THOC2: variants seen among roughly 807,000 people sequenced by gnomAD.
THOC2 encodes the protein THO complex 2.
THOC2 carries 10 observed loss-of-function variants against 128.4 expected under a neutral mutation model. The ratio of observed to expected loss-of-function variants is 0.08; its 90% CI spans 0.05 to 0.13. The LOEUF (loss-of-function observed/expected upper bound fraction) is 0.13. THOC2 is among the 10% of genes least tolerant of loss of function. The pLI, the probability that THOC2 is intolerant of heterozygous loss-of-function variation, is 1.00. For synonymous variants in THOC2, 393 were observed against 396.9 expected (o/e 0.99, Z 0.12); for missense variants, 535 against 1,155.7 (o/e 0.46, Z 7.79).
chrX:123,732,004 T>C (rs896833554), intron 1 of THOC2, among the ~76,000 whole-genome samples: 1 of 110,693 alleles, frequency 9.0e-6, no homozygotes, highest in African/African-American at 3.3e-5. Flanking sequence ...TTATTAATAT[T>C]TGTTCTTATA....
intron 22 of THOC2, among the ~76,000 whole-genome samples, chrX:123,631,123 T>C (rs2047465084): frequency 8.9e-6 from 1 of 112,080 alleles, no homozygotes; most frequent in South Asian, 3.8e-4. Context: ...TGCTGATTAG[T>C]GTGTTCACTT....
intron 12 of THOC2, among the ~76,000 whole-genome samples, chrX:123,650,267 T>C (rs972030945): frequency 4.5e-5 from 5 of 111,917 alleles, no homozygotes; most frequent in African/African-American, 1.6e-4. Flanking sequence ...TGAGAGATTA[T>C]GTCACTACCA....
chrX:123,622,486 G>A (rs776424311), intron 30 of THOC2, among the ~76,000 whole-genome samples: 1 of 111,865 alleles, frequency 8.9e-6, no homozygotes, highest in African/African-American at 3.2e-5. Context: ...AAATTTCAAA[G>A]CCCAACATAA....
At chrX:123,660,033 T>C (rs1312887397) in intron 12 of THOC2, among the ~76,000 whole-genome samples, 1 of 112,203 alleles carries the variant, frequency 8.9e-6, no homozygotes, top group Non-Finnish European at 1.9e-5. Context: ...ACTGTAAGGA[T>C]TCACTTTTCC....
intron 38 of THOC2, among the ~76,000 whole-genome samples, chrX:123,605,613 A>T (rs763756334): frequency 9.4e-6 from 1 of 106,554 alleles, no homozygotes; most frequent in South Asian, 3.8e-4. Flanking sequence ...GTTTGGTGGC[A>T]AAAAAAGTCA....
At chrX:123,642,256 T>G (rs1050985102) in intron 15 of THOC2, among the ~76,000 whole-genome samples, 1 of 110,232 alleles carries the variant, frequency 9.1e-6, no homozygotes, top group African/African-American at 3.3e-5. Context: ...AAACCCCGTC[T>G]CTACTAAAAA....
chrX:123,719,173 G>A (rs1405409392), intron 1 of THOC2, among the ~76,000 whole-genome samples: 4 of 101,540 alleles, frequency 3.9e-5, no homozygotes, highest in East Asian at 3.0e-4. Context: ...GCAAGACTTC[G>A]TCTCCCAAAA....
rs1328121494 is a variant in THOC2 at position 123,706,869 on chromosome X, T to C, written c.211A>G (p.Ser71Gly). Residue 71 changes from serine (S) to glycine (G), a missense_variant, in exon 3 of 39, where the codon AGT becomes GGT. Ser to Gly is a moderately conservative substitution (Grantham distance 56). Around this residue, in one of 9 missense-constraint regions of THOC2, gnomAD observed 61 missense variants for 84.3 expected, o/e 0.72. Transcript: ENST00000245838. ...LKHEQASNVLSDISEFREDMP... is the reference protein window; with the variant it reads ...LKHEQASNVLGDISEFREDMP... Reference sequence around the variant, plus strand: ...ATATACATACTTACACTAATGTCACTAAGAACATTAGATGCCTGTTCATGC... The same window carrying C: ...ATATACATACTTACACTAATGTCACCAAGAACATTAGATGCCTGTTCATGC... 1.8e-6 allele frequency: 2 copies of C among 1,108,139 alleles called. No individual in the cohort carries two copies. Among genetic ancestry groups the C allele is most frequent in the Non-Finnish European group, 2.4e-6 (2 of 824,209 alleles). 91.3% of individuals were successfully genotyped at this position (1,108,139 alleles called of 1,213,427 possible).
chrX:123,657,334 C>A (rs924254311), intron 12 of THOC2, among the ~76,000 whole-genome samples: 1 of 110,644 alleles, frequency 9.0e-6, no homozygotes, highest in African/African-American at 3.3e-5. Context: ...GCAATGATGA[C>A]AGAATTTCCC....
intron 12 of THOC2, among the ~76,000 whole-genome samples, chrX:123,662,314 C>T (rs762910657): frequency 8.1e-5 from 9 of 110,866 alleles, no homozygotes; most frequent in Non-Finnish European, 1.3e-4. Context: ...TGGCCAGGCG[C>T]GGTGGCTCAT....
At chrX:123,714,418 A>G (rs1468756543) in intron 1 of THOC2, among the ~76,000 whole-genome samples, 3 of 112,338 alleles carry the variant, frequency 2.7e-5, no homozygotes, top group Non-Finnish European at 5.6e-5. Flanking sequence ...TAGACAAAAT[A>G]TACTTTGAAA....
intron 10 of THOC2, among the ~76,000 whole-genome samples, 181 bp from the exon 11 acceptor site, chrX:123,667,459 C>T (rs1488001275): frequency 9.0e-6 from 1 of 111,684 alleles, no homozygotes; most frequent in Non-Finnish European, 1.9e-5. Flanking sequence ...AACATCAGGG[C>T]CAGGCGCAGC....
intron 1 of THOC2, among the ~76,000 whole-genome samples, chrX:123,719,428 G>A (rs2051589205): frequency 9.1e-6 from 1 of 110,029 alleles, no homozygotes; most frequent in Non-Finnish European, 1.9e-5. Flanking sequence ...CAAGCGTGGT[G>A]GCTCAGGTCT....
At chrX:123,718,477 A>C (rs986363908) in intron 1 of THOC2, among the ~76,000 whole-genome samples, 2 of 112,099 alleles carry the variant, frequency 1.8e-5, no homozygotes, top group African/African-American at 6.5e-5. Flanking sequence ...TCTACACAGG[A>C]GGCCGGGTGC....
chrX:123,709,299 T>C (rs1310047621), intron 2 of THOC2, among the ~76,000 whole-genome samples: 1 of 111,880 alleles, frequency 8.9e-6, no homozygotes, highest in East Asian at 2.8e-4. Flanking sequence ...GTTTTAAGAA[T>C]AGCCACTAGA....
intron 8 of THOC2, among the ~76,000 whole-genome samples, chrX:123,672,847 C>T (rs1251177340): frequency 8.9e-6 from 1 of 112,408 alleles, no homozygotes; most frequent in Non-Finnish European, 1.9e-5. Flanking sequence ...CAAACAGTAA[C>T]AATACACTAT....
At chrX:123,671,618 C>A in intron 9 of THOC2, 51 bp downstream of exon 9, 1 of 850,188 alleles carries the variant, frequency 1.2e-6, no homozygotes, top group Non-Finnish European at 1.7e-6. Flanking sequence ...ACTCCTCTTC[C>A]CTACCCTTGG....
chrX:123,662,203 A>G (rs2048859768), intron 12 of THOC2, among the ~76,000 whole-genome samples: 1 of 111,603 alleles, frequency 9.0e-6, no homozygotes, highest in South Asian at 3.7e-4. Flanking sequence ...GTCATGATTC[A>G]CAACTTTAAA....
At chrX:123,680,816 A>T (rs536317976) in intron 8 of THOC2, among the ~76,000 whole-genome samples, 2 of 111,352 alleles carry the variant, frequency 1.8e-5, no homozygotes, top group African/African-American at 6.5e-5. Context: ...ATAGTCCTTA[A>T]CTCTACTTTC....
Sources: gnomAD v4.1 joint callset for allele counts (sites outside exome capture counted in the v4.1 genomes callset) on GRCh38, gnomAD v4.1.1 for gene constraint, gnomAD v4.1.1 regional missense constraint, MANE v1.5 for transcripts, NCBI Gene and HGNC (gene_info 2026-07-23, HGNC 2026-07-21) for gene names.